DNAH9: variants seen among roughly 807,000 people sequenced by gnomAD.
The protein encoded by DNAH9 is dynein axonemal heavy chain 9, also known as DNAH9 variant protein.
A neutral mutation model predicts 471.6 loss-of-function variants in DNAH9; 345 were observed. The observed-to-expected ratio is 0.73, with a 90% CI of 0.67 to 0.80. DNAH9 has a LOEUF of 0.80. Among genes scored for constraint, DNAH9 ranks in the 30% least tolerant of loss-of-function variants. DNAH9 has a pLI of 0.00. For missense variants in DNAH9, 5,407 were observed against 5,609.2 expected (o/e 0.96, Z 1.15); for synonymous variants, 2,093 against 2,123.6 (o/e 0.99, Z 0.40).
rs2075393869 is a variant in DNAH9, at chr17:11,738,935, GGGA to G, written c.5875_5877del (p.Glu1959del). 1 of 1,613,970 alleles carries G rather than the reference GGGA, an allele frequency of 6.2e-7. No homozygotes were observed. The highest frequency in any genetic ancestry group is 1.7e-5 in the Admixed American group (1 of 60,002). On this transcript the variant is annotated inframe_deletion, in exon 29 of 69. Transcript: ENST00000262442. ...AAGAAGCAGTGGTTCAGCTTCCTTGGGGAGGAGATCAGCCTGAATCCTTCTGTC... is the reference window on the plus strand; with the variant it reads ...AAGAAGCAGTGGTTCAGCTTCCTTGGGGAGATCAGCCTGAATCCTTCTGTC...
rs773797261 is a variant in DNAH9, at chr17:11,961,871, A to T, written c.12848A>T (p.Glu4283Val). ...LRELELGLKG[E>V]LTMTSHMENL... is the part of the protein sequence containing the mutation. ...CCTCCCATTCTTTATCTTCAGGGGG[A>T]GCTGACTATGACCAGCCACATGGAG... Residue 4283 changes from glutamate to valine, a missense_variant, in exon 68 of 69, where the codon GAG (glutamate) becomes GTG (valine). Physicochemically the swap from Glu to Val is moderately radical, Grantham distance 121 (BLOSUM62 -2). Transcript: ENST00000262442. The T allele has an allele frequency of 6.3e-7, 1 of 1,597,612 alleles. No homozygotes were observed. Among genetic ancestry groups the T allele is most frequent in the Admixed American group, 1.7e-5 (1 of 58,510 alleles).
chr17:11,965,209 A>G (rs1337630938), intron 68 of DNAH9, among the ~76,000 whole-genome samples: 1 of 152,226 alleles, frequency 6.6e-6, no homozygotes, highest in African/African-American at 2.4e-5. Flanking sequence ...AGAAGGCAGT[A>G]CACTCTAGCT....
chr17:11,814,936 A>G (rs1753950720), intron 45 of DNAH9, among the ~76,000 whole-genome samples: 1 of 149,026 alleles, frequency 6.7e-6, no homozygotes. Flanking sequence ...AATAAATTGA[A>G]TTCTGGCCCA....
intron 26 of DNAH9, among the ~76,000 whole-genome samples, chr17:11,719,114 G>GAAC (rs2075011626): frequency 6.6e-6 from 1 of 152,088 alleles, no homozygotes; most frequent in Admixed American, 6.5e-5. Flanking sequence ...CCCAGAAGAA[G>GAAC]AACCTGTCAG....
At chr17:11,961,270 G>A (rs1338138498) in intron 67 of DNAH9, among the ~76,000 whole-genome samples, 1 of 152,112 alleles carries the variant, frequency 6.6e-6, no homozygotes, top group East Asian at 1.9e-4. Context: ...AGCAGAGATT[G>A]CACCACTGCA....
chr17:11,952,094 C>T (rs1249186177), intron 67 of DNAH9, among the ~76,000 whole-genome samples: 1 of 149,274 alleles, frequency 6.7e-6, no homozygotes, highest in Non-Finnish European at 1.5e-5. Flanking sequence ...GGTTTTCTGT[C>T]TGGTAATGTA....
At chr17:11,824,410 G>A (rs28429006) in intron 48 of DNAH9, among the ~76,000 whole-genome samples, 10,832 of 152,118 alleles carry the variant, frequency 0.071, 1,285 homozygotes, top group African/African-American at 0.25. Context: ...CTCGCAATCT[G>A]TACACATAGA....
Position 11,744,809 on chromosome 17 carries a change from T to C in DNAH9, c.6124T>C (p.Trp2042Arg). Residue 2042 changes from tryptophan (W) to arginine (R), a missense_variant, in exon 31 of 69, where the codon TGG becomes CGG. Trp to Arg is a moderately radical substitution (Grantham distance 101). Transcript: ENST00000262442. Reference protein sequence around the residue: ...ELLSKQDHYDWGLRAIKSVLV... With the variant: ...ELLSKQDHYDRGLRAIKSVLV... ...ACACTGCCCACAGGATCACTACGAC[T>C]GGGGCCTACGGGCCATCAAGTCCGT... The C allele has an allele frequency of 6.2e-7, 1 of 1,612,904 alleles. No homozygotes were observed. The highest frequency in any genetic ancestry group is 1.1e-5 in the South Asian group (1 of 91,008).
intron 42 of DNAH9, among the ~76,000 whole-genome samples, chr17:11,794,827 C>A (rs7225975): frequency 4.0e-5 from 6 of 150,232 alleles, no homozygotes; most frequent in Non-Finnish European, 7.4e-5. Flanking sequence ...AAATGTTTCA[C>A]TGTATATGAC....
intron 45 of DNAH9, among the ~76,000 whole-genome samples, chr17:11,820,927 C>T (rs9895833): frequency 0.05 from 7,535 of 152,060 alleles, 628 homozygotes; most frequent in African/African-American, 0.17. Context: ...TCTCTTATTT[C>T]CCTGCATTTT....
chr17:11,874,387 C>T (rs1179570321), intron 52 of DNAH9, among the ~76,000 whole-genome samples: 1 of 152,174 alleles, frequency 6.6e-6, no homozygotes, highest in Non-Finnish European at 1.5e-5. Context: ...CGGCAGCTTC[C>T]CCACAGGCAC....
Position 11,689,611 on chromosome 17 carries a change from C to G in DNAH9, c.3789C>G (p.Ile1263Met), listed in dbSNP as rs35922062. 2 of 1,613,860 alleles carry G rather than the reference C, an allele frequency of 1.2e-6. No individual in the cohort carries two copies. The highest frequency in any genetic ancestry group is 1.7e-6 in the Non-Finnish European group (2 of 1,179,864). Residue 1263 changes from isoleucine to methionine, a missense_variant, in exon 20 of 69, where the codon ATC becomes ATG. Physicochemically the swap from Ile to Met is conservative, Grantham distance 10. This residue lies in a region of DNAH9 where 4,636 missense variants were observed against 4,900.3 expected (regional missense o/e 0.95). Transcript: ENST00000262442. ...HPHQMLDARHIEIQQMESTMA... is the reference protein window; with the variant it reads ...HPHQMLDARHMEIQQMESTMA... The stretch of plus-strand genomic sequence containing the variant: ...ATCAAATGCTGGATGCCAGGCACAT[C>G]GAGATCCAGCAGATGGAATCCACTA...
intron 67 of DNAH9, among the ~76,000 whole-genome samples, 168 bp downstream of exon 67, chr17:11,942,653 G>A (rs1445641030): frequency 6.6e-6 from 1 of 152,170 alleles, no homozygotes; most frequent in Non-Finnish European, 1.5e-5. Context: ...CTGGCCATGA[G>A]GTTGTCTACA....
In DNAH9 at chr17:11,690,283, T is replaced by C; in HGVS notation, c.4461T>C (p.Tyr1487=). The stretch of plus-strand genomic sequence containing the variant: ...TTCAGAACCTGGTGATGTCCAAGTA[T>C]GTTGCTTTCTTCTTGGAGGAGGTGT... ...VQLQNLVMSK[Y]VAFFLEEVSG... The change falls in exon 20 of 69, where the codon TAT becomes TAC. Residue 1487 remains tyrosine, a synonymous_variant. Transcript: ENST00000262442. 6.2e-7 allele frequency: 1 copy of C among 1,614,162 alleles called. No homozygotes were observed. Among genetic ancestry groups the C allele is most frequent in the Non-Finnish European group, 8.5e-7 (1 of 1,180,018 alleles).
chr17:11,783,501 T>C, intron 39 of DNAH9, 145 bp from the exon 40 acceptor site: 1 of 559,260 alleles, frequency 1.8e-6, no homozygotes. Flanking sequence ...TATGCTCTTA[T>C]CTCTTCTCAA....
chr17:11,948,742 T>C (rs1293094977), intron 67 of DNAH9, among the ~76,000 whole-genome samples: 1 of 152,118 alleles, frequency 6.6e-6, no homozygotes, highest in Non-Finnish European at 1.5e-5. Flanking sequence ...GGGACCCTTA[T>C]CACTTTCACT....
At chr17:11,896,454 T>C (rs1973222516) in intron 59 of DNAH9, among the ~76,000 whole-genome samples, 1 of 152,250 alleles carries the variant, frequency 6.6e-6, no homozygotes, top group Non-Finnish European at 1.5e-5. Flanking sequence ...GCCTGCAAGC[T>C]GTAGTTTGCC....
At chr17:11,955,267 G>A (rs1379261266) in intron 67 of DNAH9, among the ~76,000 whole-genome samples, 1 of 151,818 alleles carries the variant, frequency 6.6e-6, no homozygotes, top group Non-Finnish European at 1.5e-5. Flanking sequence ...TAGCAGAATT[G>A]AGTAGTGTCA....
chr17:11,843,441 T>C (rs1971097992), intron 49 of DNAH9, among the ~76,000 whole-genome samples: 2 of 152,114 alleles, frequency 1.3e-5, no homozygotes, highest in South Asian at 4.1e-4. Flanking sequence ...CATATCCTTA[T>C]TGAAGGATAT....
Sources: allele counts gnomAD v4.1 joint callset (sites outside exome capture counted in the v4.1 genomes callset), GRCh38; gene constraint gnomAD v4.1.1; regional missense constraint gnomAD v4.1.1; transcripts MANE v1.5; gene names NCBI Gene and HGNC (gene_info 2026-07-23, HGNC 2026-07-21).